TRPM6: variants seen among roughly 807,000 people sequenced by gnomAD.
TRPM6 encodes transient receptor potential cation channel subfamily M member 6.
A neutral mutation model predicts 247.6 loss-of-function variants in TRPM6; 111 were observed. That is an observed-to-expected ratio of 0.45 (90% CI 0.38 to 0.52). The LOEUF (loss-of-function observed/expected upper bound fraction) is 0.52. Among genes scored for constraint, TRPM6 ranks in the 20% least tolerant of loss-of-function variants. The pLI, the probability that TRPM6 is intolerant of heterozygous loss-of-function variation, is 0.00. For synonymous variants in TRPM6, 892 were observed against 853.8 expected, an observed-to-expected ratio of 1.04 and a Z score of -0.78; for missense variants, 2,126 against 2,421.5, an observed-to-expected ratio of 0.88 and a Z score of 2.56.
chr9:74,848,463 C>T (rs1198905321), intron 3 of TRPM6, among the ~76,000 whole-genome samples: 1 of 152,180 alleles, frequency 6.6e-6, no homozygotes, highest in Non-Finnish European at 1.5e-5. Flanking sequence ...TATCATGCCA[C>T]TCTGAATGGC....
intron 33 of TRPM6, among the ~76,000 whole-genome samples, chr9:74,741,161 A>G (rs1045472828): frequency 1.3e-5 from 2 of 152,192 alleles, no homozygotes; most frequent in Non-Finnish European, 2.9e-5. Context: ...TAACTGCTAC[A>G]TAGCTTCCAC....
At chr9:74,815,753 T>A (rs1828903060) in intron 11 of TRPM6, among the ~76,000 whole-genome samples, 1 of 152,222 alleles carries the variant, frequency 6.6e-6, no homozygotes, top group Admixed American at 6.5e-5. Context: ...CAAAAACATC[T>A]TAAGTACTAG....
chr9:74,854,851 T>C (rs1430327475), intron 3 of TRPM6, among the ~76,000 whole-genome samples: 1 of 152,156 alleles, frequency 6.6e-6, no homozygotes, highest in Non-Finnish European at 1.5e-5. Context: ...GTTTTGTTTT[T>C]GCTTTTGTAC....
At position 74,816,775 on chromosome 9, in the gene TRPM6, G is replaced by A. The variant is rs773948032; in HGVS notation, c.1208-6C>T. ...TGACGCTGATAAATTTGTGCCTAGG[G>A]TAAAAGAAAGGAACAATCATATATT... On this transcript the variant is annotated splice_polypyrimidine_tract_variant and splice_region_variant and intron_variant, in intron 10 of 38. Transcript: ENST00000360774. 2 of 1,613,686 alleles carry A rather than the reference G, an allele frequency of 1.2e-6. No individual in the cohort carries two copies. Among genetic ancestry groups the A allele is most frequent in the Non-Finnish European group, 1.7e-6 (2 of 1,179,734 alleles).
At chr9:74,812,955 T>G (rs150556544) in intron 11 of TRPM6, among the ~76,000 whole-genome samples, 53 of 152,374 alleles carry the variant, frequency 3.5e-4, no homozygotes, top group Non-Finnish European at 7.3e-4. Flanking sequence ...GAAGACATCT[T>G]GAATAAATCA....
intron 11 of TRPM6, among the ~76,000 whole-genome samples, chr9:74,815,537 T>C (rs1023480463): frequency 1.2e-4 from 18 of 151,976 alleles, no homozygotes; most frequent in African/African-American, 4.1e-4. Context: ...CCCTCTAACA[T>C]GGGAAAGAGG....
intron 16 of TRPM6, among the ~76,000 whole-genome samples, 182 bp downstream of exon 16, chr9:74,801,716 C>G (rs1430716057): frequency 1.3e-5 from 2 of 152,188 alleles, no homozygotes; most frequent in African/African-American, 4.8e-5. Flanking sequence ...TGAAGGTCAC[C>G]TCTCTTTTCT....
intron 28 of TRPM6, among the ~76,000 whole-genome samples, chr9:74,754,049 C>T (rs1826356929): frequency 6.6e-6 from 1 of 150,690 alleles, no homozygotes; most frequent in Non-Finnish European, 1.5e-5. Context: ...ATAAATTATA[C>T]TATTTATAAA....
chr9:74,741,348 T>C (rs569046894), intron 33 of TRPM6, among the ~76,000 whole-genome samples: 1 of 152,132 alleles, frequency 6.6e-6, no homozygotes, highest in East Asian at 1.9e-4. Context: ...TATATATATA[T>C]ATGAACACGG....
At chr9:74,727,222 A>C (rs1370996138) in intron 38 of TRPM6, among the ~76,000 whole-genome samples, 1 of 151,952 alleles carries the variant, frequency 6.6e-6, no homozygotes, top group Non-Finnish European at 1.5e-5. Flanking sequence ...CTCTACAAAA[A>C]ATACAAAAAA....
At chr9:74,737,661 C>G (rs1426034533) in intron 36 of TRPM6, among the ~76,000 whole-genome samples, 5 of 152,176 alleles carry the variant, frequency 3.3e-5, no homozygotes, top group African/African-American at 1.2e-4. Flanking sequence ...TTTCTGGGCC[C>G]AAATTCCTAT....
At position 74,769,752 on chromosome 9, in the gene TRPM6, G is replaced by A. The variant is rs372527208; in HGVS notation, c.3536+1951C>T. Reference sequence around the variant, plus strand: ...CAGCCTGGTGACAGAGTGAGACTCCGTTGAAATAAAGGAAGGAAGGAAGGA... The same window carrying A: ...CAGCCTGGTGACAGAGTGAGACTCCATTGAAATAAAGGAAGGAAGGAAGGA... On this transcript the variant is annotated intron_variant, in intron 25 of 38. Transcript: ENST00000360774. Among the ~76,000 whole-genome samples, 47 of 143,998 alleles carry A rather than the reference G, an allele frequency of 3.3e-4. 1 individual carries two copies. In the South Asian group the frequency reaches 8.7e-3, roughly 27 times the overall value. 94.5% of individuals were successfully genotyped at this position (143,998 alleles called of 152,430 possible). A position where few individuals can be genotyped will look rare whatever the true frequency, so the allele number is the denominator to read the frequency against.
At chr9:74,777,959 T>G (rs1345152824) in intron 23 of TRPM6, among the ~76,000 whole-genome samples, 1 of 152,226 alleles carries the variant, frequency 6.6e-6, no homozygotes, top group Non-Finnish European at 1.5e-5. Context: ...CTCTTTTCTC[T>G]TTAAACACTG....
At chr9:74,804,174 C>A (rs1041524332) in intron 14 of TRPM6, among the ~76,000 whole-genome samples, 1 of 152,146 alleles carries the variant, frequency 6.6e-6, no homozygotes, top group Non-Finnish European at 1.5e-5. Flanking sequence ...ACCTTCACTA[C>A]GTGGAAATTC....
intron 1 of TRPM6, among the ~76,000 whole-genome samples, chr9:74,859,507 T>A (rs1830630195): frequency 6.6e-6 from 1 of 152,168 alleles, no homozygotes; most frequent in Non-Finnish European, 1.5e-5. Context: ...GCGTGGTGGC[T>A]CATGCCTGTA....
At chr9:74,750,389 A>G (rs935071684) in intron 30 of TRPM6, among the ~76,000 whole-genome samples, 1 of 152,214 alleles carries the variant, frequency 6.6e-6, no homozygotes, top group Non-Finnish European at 1.5e-5. Flanking sequence ...TCATTATTCT[A>G]TGTGTGTTTT....
chr9:74,814,967 AATTG>A (rs1210210032), intron 11 of TRPM6, among the ~76,000 whole-genome samples: 1 of 152,112 alleles, frequency 6.6e-6, no homozygotes, highest in Non-Finnish European at 1.5e-5. Flanking sequence ...TAAATTAGTT[AATTG>A]ATTATTAAAA....
chr9:74,814,109 A>T (rs1391563591), intron 11 of TRPM6, among the ~76,000 whole-genome samples: 1 of 152,180 alleles, frequency 6.6e-6, no homozygotes, highest in Admixed American at 6.5e-5. Context: ...AGAAAAAGAA[A>T]ATATTGGATT....
At chr9:74,877,939 G>A (rs989271606) in intron 1 of TRPM6, among the ~76,000 whole-genome samples, 2 of 152,022 alleles carry the variant, frequency 1.3e-5, no homozygotes, top group Non-Finnish European at 2.9e-5. Context: ...CTGAGGAGAA[G>A]CCCACCCTGT....
Sources: allele counts gnomAD v4.1 joint callset (sites outside exome capture counted in the v4.1 genomes callset), GRCh38; gene constraint gnomAD v4.1.1; transcripts MANE v1.5; gene names NCBI Gene and HGNC (gene_info 2026-07-23, HGNC 2026-07-21).